Variants in SRPRB observed in about 807,000 individuals in gnomAD.
SRPRB encodes the protein SRP receptor subunit beta.
Under a neutral mutation model 31.9 loss-of-function variants are expected in SRPRB, and 20 were observed. That is an observed-to-expected ratio of 0.63 (90% CI 0.44 to 0.91). The LOEUF is 0.91. SRPRB is among the 40% of genes least tolerant of loss of function. SRPRB has a pLI of 0.00. For missense variants in SRPRB, 321 were observed against 324.9 expected (o/e 0.99, Z 0.09); for synonymous variants, 146 against 132.8 (o/e 1.10, Z -0.68).
chr3:133,818,854 G>A (rs936321591), intron 6 of SRPRB, among the ~76,000 whole-genome samples: 1 of 149,908 alleles, frequency 6.7e-6, no homozygotes, highest in Admixed American at 6.7e-5. Context: ...GCTTAGTTTT[G>A]CCTGTGGATT....
chr3:133,819,175 A>G (rs1935420830), intron 6 of SRPRB, among the ~76,000 whole-genome samples: 1 of 152,178 alleles, frequency 6.6e-6, no homozygotes, highest in South Asian at 2.1e-4. Flanking sequence ...TACCCTATCT[A>G]CCCACACTTA....
At chr3:133,787,564 A>G (rs1453097660) in intron 1 of SRPRB, 1 of 152,234 alleles carries the variant, frequency 6.6e-6, no homozygotes, top group Non-Finnish European at 1.5e-5. Context: ...ACTTTTTGTA[A>G]ATAGCTTTTA....
intron 6 of SRPRB, among the ~76,000 whole-genome samples, chr3:133,817,509 T>C (rs543215669): frequency 6.6e-6 from 1 of 152,304 alleles, no homozygotes; most frequent in South Asian, 2.1e-4. Flanking sequence ...CTGCTTTGAG[T>C]GTTTCAAGGT....
chr3:133,808,296 A>G (rs1935198807), intron 3 of SRPRB, among the ~76,000 whole-genome samples: 1 of 151,716 alleles, frequency 6.6e-6, no homozygotes, highest in African/African-American at 2.4e-5. Flanking sequence ...CTGTGCATAT[A>G]CAAACATGTC....
At chr3:133,789,417 C>A (rs2107950616) in intron 1 of SRPRB, 1 of 152,320 alleles carries the variant, frequency 6.6e-6, no homozygotes, top group South Asian at 2.1e-4. Context: ...AATCAAACTG[C>A]CATGGAAATT....
At chr3:133,810,009 C>T (rs896169395) in intron 3 of SRPRB, among the ~76,000 whole-genome samples, 2 of 152,056 alleles carry the variant, frequency 1.3e-5, no homozygotes, top group African/African-American at 4.8e-5. Context: ...ACTCTTTCTC[C>T]TACCCCCTTA....
At chr3:133,799,691 T>C (rs1044301958) in intron 1 of SRPRB, among the ~76,000 whole-genome samples, 8 of 152,142 alleles carry the variant, frequency 5.3e-5, no homozygotes, top group African/African-American at 1.9e-4. Flanking sequence ...TATTTTAAGG[T>C]CTAAGGAAAG....
intron 4 of SRPRB, among the ~76,000 whole-genome samples, chr3:133,815,211 A>G (rs146341515): frequency 2.6e-4 from 40 of 152,262 alleles, no homozygotes; most frequent in Non-Finnish European, 4.6e-4. Context: ...CTAAGATTCA[A>G]CTCAACTGTT....
intron 2 of SRPRB, among the ~76,000 whole-genome samples, chr3:133,807,249 ATTTT>A (rs60049102): frequency 1.7e-5 from 2 of 114,618 alleles, no homozygotes; most frequent in Non-Finnish European, 3.5e-5. Context: ...AAATACCTCC[ATTTT>A]TTTTTTTTTT....
At chr3:133,813,882 T>A (rs1267616306) in intron 4 of SRPRB, among the ~76,000 whole-genome samples, 1 of 152,248 alleles carries the variant, frequency 6.6e-6, no homozygotes, top group African/African-American at 2.4e-5. Context: ...TGGCCCAATT[T>A]TTATGTAAGC....
At chr3:133,799,291 T>C (rs1436681807) in intron 1 of SRPRB, among the ~76,000 whole-genome samples, 1 of 152,192 alleles carries the variant, frequency 6.6e-6, no homozygotes, top group Non-Finnish European at 1.5e-5. Context: ...TAAATTTCCA[T>C]CATTAGAGGA....
downstream of SRPRB, chr3:133,826,835 C>A (rs1164089166): frequency 1.3e-5 from 2 of 152,676 alleles, no homozygotes; most frequent in Admixed American, 1.3e-4. Flanking sequence ...TATCACAATG[C>A]AAGTTCCAAC....
intron 1 of SRPRB, chr3:133,784,472 AAT>A (rs1491065586): frequency 2.0e-4 from 17 of 83,014 alleles, no homozygotes; most frequent in South Asian, 3.8e-4. Flanking sequence ...TTGTTAAAAA[AAT>A]AATAATAATA....
Position 133,815,636 on chromosome 3 carries a change from A to G in SRPRB, c.457A>G (p.Lys153Glu). The G allele has an allele frequency of 6.2e-7, 1 of 1,614,020 alleles. No homozygotes were observed. Among genetic ancestry groups the G allele is most frequent in the Non-Finnish European group, 8.5e-7 (1 of 1,180,014 alleles). ...TAGTGCAGCATTCCAGCGAGAGGTG[A>G]AAGATGTGGCTGAGTTTCTGTATCA... is the stretch of plus-strand genomic sequence containing the variant. ...VDSAAFQREVKDVAEFLYQVL... is the reference protein window; with the variant it reads ...VDSAAFQREVEDVAEFLYQVL... The change falls in exon 5 of 7, where the codon AAA (lysine) becomes GAA (glutamate). Residue 153 changes from lysine (K) to glutamate (E), a missense_variant. Transcript: ENST00000678299.
chr3:133,806,490 C>T lies in SRPRB; in HGVS notation c.155-119C>T. The T allele has an allele frequency of 4.1e-6, 3 of 729,600 alleles. No individual in the cohort carries two copies. In the South Asian group the frequency reaches 5.2e-5, roughly 13 times the overall value. 45.2% of individuals were successfully genotyped at this position (729,600 alleles called of 1,614,324 possible). A position where few individuals can be genotyped will look rare whatever the true frequency, so the allele number is the denominator to read the frequency against. On this transcript the variant is annotated intron_variant, in intron 1 of 6. Coordinates refer to ENST00000678299, the MANE Select transcript of SRPRB (RefSeq NM_001379313.1). ...CAATAGTAACCATTATGATAAAAGTCAGTTCCAGGTGAATGAGGTGTTTCG... is the reference window on the plus strand; with the variant it reads ...CAATAGTAACCATTATGATAAAAGTTAGTTCCAGGTGAATGAGGTGTTTCG...
chr3:133,804,083 G>A (rs372943515), upstream of SRPRB, among the ~76,000 whole-genome samples: 22 of 115,154 alleles, frequency 1.9e-4, no homozygotes, highest in African/African-American at 5.5e-4. Flanking sequence ...GCAACAGAGC[G>A]AGACTCTGTC....
intron 4 of SRPRB, among the ~76,000 whole-genome samples, chr3:133,812,991 T>A (rs1935302980): frequency 1.3e-5 from 2 of 152,222 alleles, no homozygotes; most frequent in Non-Finnish European, 2.9e-5. Flanking sequence ...GTCAAATGTT[T>A]TCAGTCTTTG....
At chr3:133,810,697 T>C (rs1935244669) in intron 3 of SRPRB, 1 of 153,294 alleles carries the variant, frequency 6.5e-6, no homozygotes, top group African/African-American at 2.4e-5. Flanking sequence ...TATATTACAT[T>C]ATTAGTTTAT....
chr3:133,819,350 A>ACCCCCCCCCCCCCCC (rs3842571), intron 6 of SRPRB, among the ~76,000 whole-genome samples: 3 of 146,148 alleles, frequency 2.1e-5, no homozygotes, highest in Non-Finnish European at 1.5e-5. Flanking sequence ...GTGAGGTCTG[A>ACCCCCCCCCCCCCCC]CCCCCCCAGC....
Sources: gnomAD v4.1 joint callset for allele counts (sites outside exome capture counted in the v4.1 genomes callset) on GRCh38, gnomAD v4.1.1 for gene constraint, MANE v1.5 for transcripts, NCBI Gene and HGNC (gene_info 2026-07-23, HGNC 2026-07-21) for gene names.